GALNTL6: variants seen among roughly 807,000 people sequenced by gnomAD.
The protein encoded by GALNTL6 is polypeptide N-acetylgalactosaminyltransferase-like 6.
In GALNTL6, 46 loss-of-function variants were observed where a neutral mutation model predicts 73.7. The observed-to-expected ratio is 0.62, with a 90% confidence interval of 0.49 to 0.80. GALNTL6 has a LOEUF of 0.80. GALNTL6 is among the 30% of genes least tolerant of loss of function. The pLI is 0.00. For synonymous variants in GALNTL6, 259 were observed against 263.7 expected, an observed-to-expected ratio of 0.98 and a Z score of 0.17; for missense variants, 604 against 755.0, an observed-to-expected ratio of 0.80 and a Z score of 2.34.
At chr4:172,200,445 C>G (rs1316879214) in intron 2 of GALNTL6, among the ~76,000 whole-genome samples, 1 of 152,028 alleles carries the variant, frequency 6.6e-6, no homozygotes, top group Non-Finnish European at 1.5e-5. Flanking sequence ...CTAATTATTT[C>G]CATGAATACA....
chr4:172,693,842 C>A (rs1208877773), intron 5 of GALNTL6, among the ~76,000 whole-genome samples: 1 of 152,204 alleles, frequency 6.6e-6, no homozygotes. Context: ...ACCCAGTTTG[C>A]TATTCTCTTT....
intron 5 of GALNTL6, among the ~76,000 whole-genome samples, chr4:172,638,408 G>A (rs780791799): frequency 1.3e-5 from 2 of 152,050 alleles, no homozygotes; most frequent in Non-Finnish European, 2.9e-5. Flanking sequence ...AAGTGGGGTG[G>A]GGCAGGGGAG....
chr4:171,836,592 T>C (rs571154839), intron 2 of GALNTL6, among the ~76,000 whole-genome samples: 68 of 152,276 alleles, frequency 4.5e-4, no homozygotes, highest in Middle Eastern at 3.4e-3. Context: ...GTAAATATGA[T>C]ATGATTGTAT....
At chr4:171,986,301 T>G (rs1055501939) in intron 2 of GALNTL6, among the ~76,000 whole-genome samples, 1 of 149,748 alleles carries the variant, frequency 6.7e-6, no homozygotes, top group African/African-American at 2.5e-5. Flanking sequence ...GCGGGCAGAG[T>G]GGGGGTCACA....
At chr4:171,932,864 A>T (rs1202994263) in intron 2 of GALNTL6, among the ~76,000 whole-genome samples, 1 of 152,120 alleles carries the variant, frequency 6.6e-6, no homozygotes, top group Admixed American at 6.5e-5. Flanking sequence ...ATCACCAGGG[A>T]TCCGGAATGT....
chr4:172,348,937 C>T (rs748490100), intron 5 of GALNTL6, among the ~76,000 whole-genome samples: 12 of 152,126 alleles, frequency 7.9e-5, no homozygotes, highest in Non-Finnish European at 1.3e-4. Flanking sequence ...TAGGTGTTGG[C>T]AAAATGCCTC....
intron 7 of GALNTL6, among the ~76,000 whole-genome samples, chr4:172,860,356 G>C (rs1744333873): frequency 6.6e-6 from 1 of 152,126 alleles, no homozygotes; most frequent in African/African-American, 2.4e-5. Context: ...AGAAAATTGA[G>C]TGCAAGCATA....
chr4:172,420,705 C>G (rs1731021545), intron 5 of GALNTL6, among the ~76,000 whole-genome samples: 1 of 151,928 alleles, frequency 6.6e-6, no homozygotes, highest in African/African-American at 2.4e-5. Context: ...TATATGAGTT[C>G]AGGCAATGTT....
At chr4:172,264,518 T>G (rs1238564937) in intron 3 of GALNTL6, among the ~76,000 whole-genome samples, 1 of 142,560 alleles carries the variant, frequency 7.0e-6, no homozygotes, top group African/African-American at 2.5e-5. Context: ...TTATATATTA[T>G]ATTTATATTT....
At chr4:172,521,603 G>A (rs1413451685) in intron 5 of GALNTL6, among the ~76,000 whole-genome samples, 1 of 152,120 alleles carries the variant, frequency 6.6e-6, no homozygotes, top group African/African-American at 2.4e-5. Flanking sequence ...AAGACAATAA[G>A]TAAGACATTT....
At chr4:172,999,275 C>A (rs1416741499) in intron 10 of GALNTL6, among the ~76,000 whole-genome samples, 1 of 152,190 alleles carries the variant, frequency 6.6e-6, no homozygotes, top group Admixed American at 6.5e-5. Context: ...CCTGCGAGGG[C>A]TGCTCTCTTC....
intron 5 of GALNTL6, among the ~76,000 whole-genome samples, chr4:172,550,104 A>AATATACATATATTTTTCTCAT (rs1464391246): frequency 2.6e-4 from 40 of 152,282 alleles, no homozygotes; most frequent in African/African-American, 9.1e-4. Context: ...ATTTATCACA[A>AATATACATATATTTTTCTCAT]ATATACATAT....
chr4:172,032,797 G>A (rs1040404802), intron 2 of GALNTL6, among the ~76,000 whole-genome samples: 3 of 151,908 alleles, frequency 2.0e-5, no homozygotes, highest in African/African-American at 7.2e-5. Flanking sequence ...TATTAATGGT[G>A]AAGAGAAAAA....
chr4:172,053,819 G>A (rs927619898), intron 2 of GALNTL6, among the ~76,000 whole-genome samples: 7 of 151,910 alleles, frequency 4.6e-5, no homozygotes, highest in African/African-American at 1.7e-4. Flanking sequence ...ACATGAATGG[G>A]TCCCCTAGCG....
At chr4:171,907,547 A>T (rs1476168047) in intron 2 of GALNTL6, among the ~76,000 whole-genome samples, 1 of 152,046 alleles carries the variant, frequency 6.6e-6, no homozygotes, top group South Asian at 2.1e-4. Context: ...AAGAATCAAT[A>T]TCGTGAAAAT....
chr4:172,175,880 C>A (rs540029189), intron 2 of GALNTL6, among the ~76,000 whole-genome samples: 1 of 152,004 alleles, frequency 6.6e-6, no homozygotes, highest in Non-Finnish European at 1.5e-5. Context: ...TTCCCACATA[C>A]ACTTTAGGAT....
intron 5 of GALNTL6, among the ~76,000 whole-genome samples, chr4:172,575,924 A>C (rs537697973): frequency 1.3e-5 from 2 of 152,298 alleles, no homozygotes; most frequent in South Asian, 2.1e-4. Context: ...TTTTAGTTAT[A>C]AAATGGTGTT....
intron 5 of GALNTL6, among the ~76,000 whole-genome samples, chr4:172,542,656 A>G (rs887402299): frequency 2.0e-5 from 3 of 152,082 alleles, no homozygotes; most frequent in African/African-American, 7.2e-5. Context: ...CTCCCTGCCT[A>G]TCATGGCGAG....
intron 5 of GALNTL6, among the ~76,000 whole-genome samples, chr4:172,361,973 T>C (rs939882556): frequency 5.9e-5 from 9 of 152,164 alleles, no homozygotes; most frequent in African/African-American, 2.2e-4. Context: ...ACTCAATAAA[T>C]TTTGACCATT....
Sources: allele counts gnomAD v4.1 joint callset (sites outside exome capture counted in the v4.1 genomes callset), GRCh38; gene constraint gnomAD v4.1.1; transcripts MANE v1.5; gene names NCBI Gene and HGNC (gene_info 2026-07-23, HGNC 2026-07-21).